Variants in COPG2 observed in about 807,000 individuals in gnomAD.
COPG2 encodes coat protein complex I subunit gamma 2.
In COPG2, 37 loss-of-function variants were observed where a neutral mutation model predicts 46.3. The observed-to-expected ratio is 0.80, with a 90% CI of 0.61 to 1.05. The LOEUF is 1.05. COPG2 is among the 50% of genes least tolerant of loss of function. The pLI, the probability that COPG2 is intolerant of heterozygous loss-of-function variation, is 0.00. For synonymous variants in COPG2, 159 were observed against 129.7 expected (o/e 1.23, Z -1.53); for missense variants, 427 against 387.8 (o/e 1.10, Z -0.85).
intron 5 of COPG2, among the ~76,000 whole-genome samples, chr7:130,642,741 G>A (rs782583958): frequency 5.3e-5 from 8 of 152,162 alleles, no homozygotes; most frequent in African/African-American, 9.7e-5. Flanking sequence ...TAAACCTAAC[G>A]GCTGAGCACA....
At chr7:130,636,405 A>G (rs1432260192) in intron 5 of COPG2, among the ~76,000 whole-genome samples, 1 of 152,030 alleles carries the variant, frequency 6.6e-6, no homozygotes, top group Admixed American at 6.6e-5. Context: ...GGGTGCATTT[A>G]TATTTCATAT....
At chr7:130,540,002 G>C (rs1299332247) in intron 20 of COPG2, among the ~76,000 whole-genome samples, 2 of 151,928 alleles carry the variant, frequency 1.3e-5, no homozygotes, top group East Asian at 3.9e-4. Flanking sequence ...TCTTGGGCCA[G>C]GGTCTTTGCT....
chr7:130,620,962 A>G (rs782058057), intron 5 of COPG2, among the ~76,000 whole-genome samples: 22 of 152,180 alleles, frequency 1.4e-4, no homozygotes, highest in Middle Eastern at 3.2e-3. Context: ...GGCAAAAGGT[A>G]CTTTGCAGAT....
At chr7:130,549,563 T>C (rs1012374017) in intron 17 of COPG2, among the ~76,000 whole-genome samples, 187 bp from the exon 18 acceptor site, 6 of 152,222 alleles carry the variant, frequency 3.9e-5, no homozygotes, top group South Asian at 4.1e-4. Flanking sequence ...TTAGTGAACA[T>C]ATATTGTGGA....
intron 20 of COPG2, chr7:130,509,294 A>G (rs1554440690): frequency 1.9e-6 from 1 of 514,568 alleles, no homozygotes; most frequent in South Asian, 1.4e-5. Flanking sequence ...GGTGTTAAGT[A>G]ATAAGAAATG....
At chr7:130,629,937 G>C (rs569093382) in intron 5 of COPG2, among the ~76,000 whole-genome samples, 2 of 141,596 alleles carry the variant, frequency 1.4e-5, no homozygotes, top group South Asian at 4.5e-4. Flanking sequence ...TTTTTTTTCA[G>C]ACAGAGTTTC....
intron 20 of COPG2, among the ~76,000 whole-genome samples, chr7:130,510,579 C>G (rs1289291198): frequency 6.6e-6 from 1 of 152,102 alleles, no homozygotes; most frequent in African/African-American, 2.4e-5. Context: ...GGTATGAAGG[C>G]AGATCACAGA....
At chr7:130,623,367 C>A (rs1795068398) in intron 5 of COPG2, among the ~76,000 whole-genome samples, 1 of 152,152 alleles carries the variant, frequency 6.6e-6, no homozygotes, top group South Asian at 2.1e-4. Context: ...ATAGATCAGT[C>A]TGACCAAGGT....
chr7:130,524,873 C>T (rs1162324631), intron 20 of COPG2, among the ~76,000 whole-genome samples: 3 of 152,082 alleles, frequency 2.0e-5, no homozygotes, highest in African/African-American at 7.3e-5. Flanking sequence ...CTGTGTCCGC[C>T]ATGGTGGAAC....
chr7:130,523,565 C>G (rs1799745931), intron 20 of COPG2, among the ~76,000 whole-genome samples: 1 of 152,132 alleles, frequency 6.6e-6, no homozygotes, highest in Non-Finnish European at 1.5e-5. Flanking sequence ...TGTGGGAACA[C>G]AGTTCCCGAC....
At chr7:130,540,088 G>A (rs1799921963) in intron 20 of COPG2, among the ~76,000 whole-genome samples, 1 of 152,034 alleles carries the variant, frequency 6.6e-6, no homozygotes, top group Admixed American at 6.5e-5. Context: ...GACTGACTGG[G>A]TTGGAAAGGA....
At chr7:130,536,537 TGCTTCTGATAGGCTTCCTCG>T (rs1320104052) in intron 20 of COPG2, among the ~76,000 whole-genome samples, 4 of 152,168 alleles carry the variant, frequency 2.6e-5, no homozygotes, top group Non-Finnish European at 5.9e-5. Flanking sequence ...GCCCAAAAGA[TGCTTCTGATAGGCTTCCTCG>T]GGGTCCTGCA....
At chr7:130,591,601 G>C (rs1360332537) in intron 9 of COPG2, among the ~76,000 whole-genome samples, 1 of 139,334 alleles carries the variant, frequency 7.2e-6, no homozygotes, top group Non-Finnish European at 1.6e-5. Flanking sequence ...GGAAGGAGGT[G>C]GGGGGGTCAG....
intron 5 of COPG2, among the ~76,000 whole-genome samples, chr7:130,634,573 G>C (rs1554455808): frequency 6.6e-6 from 1 of 152,196 alleles, no homozygotes; most frequent in East Asian, 1.9e-4. Flanking sequence ...TTTGTACCCT[G>C]AGACTTTGCT....
chr7:130,574,407 G>A (rs1193232172), intron 9 of COPG2, among the ~76,000 whole-genome samples: 2 of 152,122 alleles, frequency 1.3e-5, no homozygotes, highest in East Asian at 1.9e-4. Flanking sequence ...CTTGGAGCTG[G>A]GTAGACTTGC....
At chr7:130,638,960 T>A (rs1278906432) in intron 5 of COPG2, among the ~76,000 whole-genome samples, 1 of 152,184 alleles carries the variant, frequency 6.6e-6, no homozygotes, top group Non-Finnish European at 1.5e-5. Context: ...CAGTCCCTTA[T>A]AGCTTCCCTT....
At chr7:130,591,742 C>A (rs1794431273) in intron 9 of COPG2, among the ~76,000 whole-genome samples, 1 of 142,500 alleles carries the variant, frequency 7.0e-6, no homozygotes, top group African/African-American at 2.7e-5. Context: ...GGGTCAGCCC[C>A]CCGCCCGGCC....
At chr7:130,540,856 G>C (rs1398713034) in intron 20 of COPG2, among the ~76,000 whole-genome samples, 1 of 152,098 alleles carries the variant, frequency 6.6e-6, no homozygotes, top group African/African-American at 2.4e-5. Flanking sequence ...CCCAGGCAGG[G>C]CTATCCAATC....
intron 21 of COPG2, 101 bp downstream of exon 21, chr7:130,508,461 T>C (rs1265979214): frequency 3.1e-6 from 2 of 647,516 alleles, no homozygotes; most frequent in African/African-American, 3.6e-5. Context: ...AGAAATCCCT[T>C]AAGTTTATGT....
Sources: allele counts gnomAD v4.1 joint callset (sites outside exome capture counted in the v4.1 genomes callset), GRCh38; gene constraint gnomAD v4.1.1; transcripts MANE v1.5; gene names NCBI Gene and HGNC (gene_info 2026-07-23, HGNC 2026-07-21).